Variants in CDIP1 observed in about 807,000 individuals in gnomAD.
CDIP1 encodes the protein cell death inducing p53 target 1.
A neutral mutation model predicts 17.7 loss-of-function variants in CDIP1; 9 were observed. The observed-to-expected ratio is 0.51, with a 90% CI of 0.31 to 0.89. The LOEUF (loss-of-function observed/expected upper bound fraction) is 0.89. CDIP1 is among the 40% of genes least tolerant of loss of function. The pLI, the probability that CDIP1 is intolerant of heterozygous loss-of-function variation, is 0.05. For missense variants in CDIP1, 263 were observed against 277.9 expected, an observed-to-expected ratio of 0.95 and a Z score of 0.38; for synonymous variants, 117 against 109.5, an observed-to-expected ratio of 1.07 and a Z score of -0.43.
chr16:4,526,937 A>G (rs77329438), intron 1 of CDIP1, among the ~76,000 whole-genome samples: 1 of 151,264 alleles, frequency 6.6e-6, no homozygotes, highest in South Asian at 2.1e-4. Context: ...CCAGTCTCAG[A>G]TTTTTTTTCA....
intron 1 of CDIP1, among the ~76,000 whole-genome samples, chr16:4,531,875 T>C (rs549932525): frequency 1.3e-5 from 2 of 152,372 alleles, no homozygotes; most frequent in African/African-American, 4.8e-5. Flanking sequence ...TTTACATAGA[T>C]TTCATGGTAC....
At chr16:4,529,972 A>G (rs2141655878) in intron 1 of CDIP1, among the ~76,000 whole-genome samples, 1 of 152,298 alleles carries the variant, frequency 6.6e-6, no homozygotes, top group African/African-American at 2.4e-5. Context: ...TCGGGGTGGG[A>G]TGTGGAAAAG....
At chr16:4,530,466 A>G (rs1035672547) in intron 1 of CDIP1, among the ~76,000 whole-genome samples, 42 of 152,064 alleles carry the variant, frequency 2.8e-4, no homozygotes, top group Middle Eastern at 3.2e-3. Flanking sequence ...CCCGACCAAC[A>G]TGGAGAAACC....
At chr16:4,523,681 C>T (rs1360589941) in intron 1 of CDIP1, 1 of 152,224 alleles carries the variant, frequency 6.6e-6, no homozygotes, top group Non-Finnish European at 1.5e-5. Flanking sequence ...AGCAAGATCG[C>T]CGTTCTGGAG....
intron 1 of CDIP1, among the ~76,000 whole-genome samples, chr16:4,528,995 A>T (rs2059028456): frequency 1.3e-5 from 2 of 152,012 alleles, no homozygotes; most frequent in South Asian, 4.2e-4. Flanking sequence ...ATCTCAAAAA[A>T]ATATATATAT....
At chr16:4,538,602 A>T (rs1342916295) in intron 1 of CDIP1, 100 bp downstream of exon 1, 2 of 152,274 alleles carry the variant, frequency 1.3e-5, no homozygotes, top group African/African-American at 2.4e-5. Flanking sequence ...CCACGGTCCG[A>T]GGTCACGCCC....
At position 4,523,467 on chromosome 16, in the gene CDIP1, T is replaced by C. The variant is rs532623805; in HGVS notation, c.-104-8803A>G. On this transcript the variant is annotated intron_variant, in intron 1 of 5. Coordinates refer to ENST00000567695, the MANE Select transcript of CDIP1 (RefSeq NM_013399.3). ...AGGCGGAGGTTGTAGTGAGCCAAGATCGCGCCACTGCACTCTAACCTGGCG... is the reference window on the plus strand; with the variant it reads ...AGGCGGAGGTTGTAGTGAGCCAAGACCGCGCCACTGCACTCTAACCTGGCG... Among the ~76,000 whole-genome samples, 3 of 151,932 alleles carry C rather than the reference T, an allele frequency of 2.0e-5. No individual in the cohort carries two copies. The South Asian group carries it at 6.2e-4, about 32-fold the overall frequency.
chr16:4,517,747 C>CAA (rs777756237), intron 1 of CDIP1, among the ~76,000 whole-genome samples: 4 of 88,874 alleles, frequency 4.5e-5, no homozygotes, highest in Non-Finnish European at 3.2e-5. Context: ...TCTCAAAAAA[C>CAA]AAAAAAAAAA....
In CDIP1 at chr16:4,512,754, G is replaced by C. The variant is rs377535638; in HGVS notation, c.515+37C>G. On this transcript the variant is annotated intron_variant, in intron 5 of 5. Coordinates refer to ENST00000567695, the MANE Select transcript of CDIP1 (RefSeq NM_013399.3). The surrounding 1 kb of genome is among the most constrained non-coding windows in gnomAD (Gnocchi z 4.6). Reference sequence around the variant, plus strand: ...AGGCAGAGGCAGCCAGTTGACCCTGGTGCAGCCCCCACCCTACCAGTGCCC... The same window carrying C: ...AGGCAGAGGCAGCCAGTTGACCCTGCTGCAGCCCCCACCCTACCAGTGCCC... 4 of 1,601,394 alleles carry C rather than the reference G, an allele frequency of 2.5e-6. No individual in the cohort carries two copies. Among genetic ancestry groups the C allele is most frequent in the Non-Finnish European group, 3.4e-6 (4 of 1,172,900 alleles).
chr16:4,531,858 C>T (rs966392075), intron 1 of CDIP1, among the ~76,000 whole-genome samples: 14 of 152,338 alleles, frequency 9.2e-5, no homozygotes, highest in African/African-American at 3.4e-4. Flanking sequence ...CCTTCACATG[C>T]GTTCCATTTA....
chr16:4,528,049 C>T (rs2059017848), intron 1 of CDIP1, among the ~76,000 whole-genome samples: 1 of 152,158 alleles, frequency 6.6e-6, no homozygotes, highest in Non-Finnish European at 1.5e-5. Context: ...CTCTTGACCT[C>T]AGGTGATTTT....
intron 1 of CDIP1, among the ~76,000 whole-genome samples, chr16:4,534,402 C>G (rs1490185297): frequency 2.6e-5 from 4 of 152,360 alleles, no homozygotes; most frequent in Admixed American, 2.6e-4. Flanking sequence ...TTCCAGTCAA[C>G]TCCGTGATGC....
At position 4,512,664 on chromosome 16, in the gene CDIP1, G is replaced by C. The variant is rs760627968; in HGVS notation, c.535C>G (p.Leu179Val). 1.2e-6 allele frequency: 2 copies of C among 1,613,838 alleles called. No individual in the cohort carries two copies. The highest frequency in any genetic ancestry group is 1.3e-5 in the African/African-American group (1 of 74,906). The change falls in exon 6 of 6, where the codon CTG becomes GTG. Residue 179 changes from leucine to valine, a missense_variant. Physicochemically the swap from Leu to Val is conservative, Grantham distance 32. Transcript: ENST00000567695. The surrounding 1 kb of genome is among the most constrained non-coding windows in gnomAD (Gnocchi z 4.6). The stretch of plus-strand genomic sequence containing the variant: ...AAGTCATTGATGAGGCAGGGGATCA[G>C]GCAGCAGCCCAGATCACATCTGAAT... Reference protein sequence around the residue: ...CFMGCDLGCCLIPCLINDFKD... With the variant: ...CFMGCDLGCCVIPCLINDFKD...
At chr16:4,521,700 TAAAAAAA>T (rs111828421) in intron 1 of CDIP1, among the ~76,000 whole-genome samples, 2 of 90,584 alleles carry the variant, frequency 2.2e-5, no homozygotes, top group South Asian at 4.3e-4. Flanking sequence ...TCATCAATAT[TAAAAAAA>T]AAAAAAAAAA....
rs1422630101 is a variant in CDIP1 at position 4,511,609 on chromosome 16, G to A, written c.*963C>T. 6.6e-6 allele frequency: 1 copy of A among 152,380 alleles called. No homozygotes were observed. The highest frequency in any genetic ancestry group is 6.5e-5 in the Admixed American group (1 of 15,286). 9.4% of individuals were successfully genotyped at this position (152,380 alleles called of 1,614,324 possible). On this transcript the variant is annotated 3_prime_UTR_variant, in exon 6 of 6. Coordinates refer to ENST00000567695, the MANE Select transcript of CDIP1 (RefSeq NM_013399.3). ...GGCACAGCAACAGCCTGTCAGCTGG[G>A]GTGAGGGGCCCGGCACTTACAGGGA...
chr16:4,513,391 C>A lies in CDIP1; in HGVS notation c.241+305G>T, dbSNP rs1313883673. On this transcript the variant is annotated intron_variant, in intron 4 of 5. Transcript: ENST00000567695. The surrounding 1 kb of genome is among the most constrained non-coding windows in gnomAD (Gnocchi z 4.1). ...AGGGCACTCAGCCTCAAGCCCATGA[C>A]CAAGAGAGGGAAAGCCTTGCGGGTC... is the stretch of plus-strand genomic sequence containing the variant. 4.2e-4 allele frequency among the ~76,000 whole-genome samples: 64 copies of A among 152,160 alleles called. No homozygotes were observed. Among genetic ancestry groups the A allele is most frequent in the Non-Finnish European group, 9.1e-4 (62 of 68,016 alleles).
chr16:4,538,067 C>G (rs1210251927), intron 1 of CDIP1, among the ~76,000 whole-genome samples: 1 of 152,160 alleles, frequency 6.6e-6, no homozygotes, highest in African/African-American at 2.4e-5. Flanking sequence ...CTTGAGAAAA[C>G]AACTCCCACC....
chr16:4,532,196 G>A (rs934141231), intron 1 of CDIP1: 1 of 152,192 alleles, frequency 6.6e-6, no homozygotes, highest in African/African-American at 2.4e-5. Flanking sequence ...TTGGCTCTTA[G>A]GAAGATGAGA....
intron 1 of CDIP1, among the ~76,000 whole-genome samples, chr16:4,534,967 G>A (rs1481881402): frequency 6.6e-6 from 1 of 151,852 alleles, no homozygotes; most frequent in African/African-American, 2.4e-5. Flanking sequence ...ATCCGCCCCC[G>A]TTGGCCTCCT....
Sources: gnomAD v4.1 joint callset for allele counts (sites outside exome capture counted in the v4.1 genomes callset) on GRCh38, gnomAD v4.1.1 for gene constraint, Gnocchi (gnomAD v3.1) non-coding constraint, MANE v1.5 for transcripts, NCBI Gene and HGNC (gene_info 2026-07-23, HGNC 2026-07-21) for gene names.